Variants in MAST1 observed in about 807,000 individuals in gnomAD.
MAST1 encodes the protein microtubule associated serine/threonine kinase 1, also known as microtubule-associated serine/threonine-protein kinase 1.
In MAST1, 40 loss-of-function variants were observed where a neutral mutation model predicts 124.6. The observed-to-expected ratio is 0.32, with a 90% confidence interval of 0.25 to 0.42. The LOEUF (loss-of-function observed/expected upper bound fraction) is 0.42. Ranked by LOEUF, MAST1 falls within the 10% of genes least tolerant of loss-of-function variation. The probability of loss-of-function intolerance (pLI) is 1.00; values close to 1 mark genes in which losing one functional copy is unlikely to be tolerated. For synonymous variants in MAST1, 938 were observed against 939.4 expected (o/e 1.00, Z 0.03); for missense variants, 1,558 against 2,181.9 (o/e 0.71, Z 5.70).
rs1419027542 is a variant in MAST1 at position 12,874,321 on chromosome 19, C to T, written c.4164C>T (p.Cys1388=). ...GGRTLERDVG[C]TRHQSVQTED... is the part of the protein sequence containing the mutation. ...GGACCCTGGAGCGGGACGTCGGCTGCACGCGGCATCAGAGCGTGCAGACGG... is the reference window on the plus strand; with the variant it reads ...GGACCCTGGAGCGGGACGTCGGCTGTACGCGGCATCAGAGCGTGCAGACGG... Residue 1388 remains cysteine, a synonymous_variant, in exon 26 of 26, where the codon TGC becomes TGT. Coordinates refer to ENST00000251472, the MANE Select transcript of MAST1 (RefSeq NM_014975.3). The surrounding 1 kb of genome is among the most constrained non-coding windows in gnomAD (Gnocchi z 6.6). The T allele has an allele frequency of 1.9e-6, 3 of 1,594,892 alleles. No individual in the cohort carries two copies. Among genetic ancestry groups the T allele is most frequent in the Non-Finnish European group, 2.5e-6 (3 of 1,176,990 alleles).
In MAST1 at chr19:12,874,211, A is replaced by T. The variant is rs1426771881; in HGVS notation, c.4054A>T (p.Arg1352Trp). 6.5e-7 allele frequency: 1 copy of T among 1,545,544 alleles called. No homozygotes were observed. Among genetic ancestry groups the T allele is most frequent in the Non-Finnish European group, 8.7e-7 (1 of 1,148,252 alleles). The change falls in exon 26 of 26, where the codon AGG becomes TGG. Residue 1352 changes from arginine (R) to tryptophan (W), a missense_variant. By Grantham distance (101) the Arg-to-Trp change is moderately radical. Coordinates refer to ENST00000251472, the MANE Select transcript of MAST1 (RefSeq NM_014975.3). The surrounding 1 kb of genome is among the most constrained non-coding windows in gnomAD (Gnocchi z 6.6). The stretch of plus-strand genomic sequence containing the variant: ...CCCGTTGCTGCCCGAGGGTGCCTCC[A>T]GGCCACCAGTGTCGAGCAAGGAGAA... The part of the protein sequence containing the change: ...ADPLLPEGAS[R>W]PPVSSKEKES...
Position 12,864,806 on chromosome 19 carries a change from C to T in MAST1, c.1367-3C>T. On this transcript the variant is annotated splice_region_variant and splice_polypyrimidine_tract_variant and intron_variant, in intron 12 of 25. Transcript: ENST00000251472. ...TTATGCGGGCCCATTTCCTGGCCTG[C>T]AGGCGGCGACTGTGCCACCCTGCTG... 6.2e-7 allele frequency: 1 copy of T among 1,613,682 alleles called. No homozygotes were observed. The highest frequency in any genetic ancestry group is 1.7e-5 in the Admixed American group (1 of 60,010).
chr19:12,864,424 C>T (rs1386770606), intron 12 of MAST1, among the ~76,000 whole-genome samples: 1 of 151,544 alleles, frequency 6.6e-6, no homozygotes, highest in Admixed American at 6.6e-5. Context: ...TAGTGAAGAC[C>T]AAGAATCTGC....
rs1220114217 is a variant in MAST1 at position 12,865,574 on chromosome 19, A to C, written c.1804+93A>C. 6.7e-7 allele frequency: 1 copy of C among 1,501,344 alleles called. No individual in the cohort carries two copies. The highest frequency in any genetic ancestry group is 2.3e-5 in the East Asian group (1 of 44,036). 93.0% of individuals were successfully genotyped at this position (1,501,344 alleles called of 1,614,324 possible). On this transcript the variant is annotated intron_variant, in intron 15 of 25. Transcript: ENST00000251472. The surrounding 1 kb of genome is among the most constrained non-coding windows in gnomAD (Gnocchi z 7.1). ...CCAGGGATTTCAAAAGCGACCCCCCAGAGGATCGCTTGCACTCAGGAGGTC... is the reference window on the plus strand; with the variant it reads ...CCAGGGATTTCAAAAGCGACCCCCCCGAGGATCGCTTGCACTCAGGAGGTC...
intron 20 of MAST1, 71 bp downstream of exon 20, chr19:12,868,048 C>T: frequency 6.9e-7 from 1 of 1,453,466 alleles, no homozygotes; most frequent in Non-Finnish European, 9.1e-7. Flanking sequence ...GAGCATCCCA[C>T]GAGCCTGGTG....
chr19:12,841,024 C>T lies in MAST1; in HGVS notation c.206C>T (p.Ser69Phe), dbSNP rs773337764. 6.7e-7 allele frequency: 1 copy of T among 1,500,036 alleles called. No individual in the cohort carries two copies. The highest frequency in any genetic ancestry group is 1.1e-5 in the South Asian group (1 of 88,940). 92.9% of individuals were successfully genotyped at this position (1,500,036 alleles called of 1,614,324 possible). The change falls in exon 3 of 26, where the codon TCC (serine) becomes TTC (phenylalanine). Residue 69 changes from serine (S) to phenylalanine (F), a missense_variant. Ser to Phe is a radical substitution (Grantham distance 155, BLOSUM62 -2). Transcript: ENST00000251472. The surrounding 1 kb of genome is among the most constrained non-coding windows in gnomAD (Gnocchi z 4.3). Reference protein sequence around the residue: ...SSPLDSPRNFSPNTPAHFSFA... With the variant: ...SSPLDSPRNFFPNTPAHFSFA... ...CCCCTGGACAGCCCCCGAAACTTCTCCCCCAACACCCCCGCCCACTTCTCG... is the reference window on the plus strand; with the variant it reads ...CCCCTGGACAGCCCCCGAAACTTCTTCCCCAACACCCCCGCCCACTTCTCG...
chr19:12,874,553 C>G lies in MAST1; in HGVS notation c.4396C>G (p.Leu1466Val). Residue 1466 changes from leucine (L) to valine (V), a missense_variant, in exon 26 of 26, where the codon CTG (leucine) becomes GTG (valine). Transcript: ENST00000251472. This position sits in a 1 kb window ranked among gnomAD's most constrained non-coding sequence, Gnocchi z 6.6. The part of the protein sequence containing the change: ...DSKGLQEPAP[L>V]APSVPEAPRG... ...CAAGGGGTTGCAGGAACCCGCACCC[C>G]TGGCGCCTTCCGTGCCCGAGGCCCC... 1 of 1,511,508 alleles carries G rather than the reference C, an allele frequency of 6.6e-7. No individual in the cohort carries two copies. The highest frequency in any genetic ancestry group is 1.8e-4 in the Middle Eastern group (1 of 5,568). The allele number at this position is 1,511,508 out of a possible 1,614,324, so 93.6% of individuals were successfully genotyped here.
In MAST1 at chr19:12,865,727, G is replaced by A. The variant is rs1479547916; in HGVS notation, c.1815G>A (p.Leu605=). The part of the protein sequence containing the change: ...LFGQVISDDI[L]WPEGDEALPT... ...CGTTTTGTTTTGCAGATGACATCCT[G>A]TGGCCCGAGGGGGATGAGGCCCTAC... is the stretch of plus-strand genomic sequence containing the variant. The change falls in exon 16 of 26, where the codon CTG becomes CTA. Residue 605 remains leucine, a synonymous_variant. Coordinates refer to ENST00000251472, the MANE Select transcript of MAST1 (RefSeq NM_014975.3). This position sits in a 1 kb window ranked among gnomAD's most constrained non-coding sequence, Gnocchi z 7.1. 6.2e-7 allele frequency: 1 copy of A among 1,611,098 alleles called. No individual in the cohort carries two copies. Among genetic ancestry groups the A allele is most frequent in the Admixed American group, 1.7e-5 (1 of 59,168 alleles).
At chr19:12,872,416 G>A (rs1415514330) in intron 24 of MAST1, among the ~76,000 whole-genome samples, 1 of 152,082 alleles carries the variant, frequency 6.6e-6, no homozygotes, top group African/African-American at 2.4e-5. Flanking sequence ...CTAGAGGCAG[G>A]TGGGACCAAG....
Position 12,847,576 on chromosome 19 carries a change from C to T in MAST1, c.489-36C>T, listed in dbSNP as rs1376451457. The T allele has an allele frequency of 6.2e-7, 1 of 1,613,832 alleles. No individual in the cohort carries two copies. Among genetic ancestry groups the T allele is most frequent in the Non-Finnish European group, 8.5e-7 (1 of 1,179,768 alleles). On this transcript the variant is annotated intron_variant, in intron 5 of 25. Coordinates refer to ENST00000251472, the MANE Select transcript of MAST1 (RefSeq NM_014975.3). The surrounding 1 kb of genome is among the most constrained non-coding windows in gnomAD (Gnocchi z 5.5). ...CGGGGGCTCTCTGCGGGCTTGGAGG[C>T]AGAGGACTCGACAAAATGGGCTTCT...
rs1345735934 is a variant in MAST1 at position 12,858,439 on chromosome 19, C to T, written c.1155C>T (p.Tyr385=). 4.3e-6 allele frequency: 7 copies of T among 1,613,618 alleles called. No homozygotes were observed. Among genetic ancestry groups the T allele is most frequent in the Middle Eastern group, 1.6e-4 (1 of 6,082 alleles). The change falls in exon 11 of 26, where the codon TAC becomes TAT. Residue 385 remains tyrosine (Y), a splice_region_variant and synonymous_variant. Coordinates refer to ENST00000251472, the MANE Select transcript of MAST1 (RefSeq NM_014975.3). ...TCAAGCTCATAAGCAACGGTGCCTA[C>T]GGGTGAGCCACCCGGGGCTCTGGCG... ...DTIKLISNGA[Y]GAVYLVRHRD...
Position 12,847,819 on chromosome 19 carries a change from C to G in MAST1, c.565-29C>G. The G allele has an allele frequency of 3.1e-6, 5 of 1,591,202 alleles. No homozygotes were observed. Among genetic ancestry groups the G allele is most frequent in the Non-Finnish European group, 3.4e-6 (4 of 1,167,194 alleles). On this transcript the variant is annotated intron_variant, in intron 6 of 25. Transcript: ENST00000251472. The surrounding 1 kb of genome is among the most constrained non-coding windows in gnomAD (Gnocchi z 5.5). ...GGCGGCCGCAGCCTTCGGGCACAGC[C>G]CCGCGCCCCTCCTCCGTCCCTCCCG...
chr19:12,846,788 G>T (rs554480948), intron 4 of MAST1, among the ~76,000 whole-genome samples: 1 of 140,388 alleles, frequency 7.1e-6, no homozygotes, highest in African/African-American at 2.7e-5. Context: ...TGAGTCAGGA[G>T]AATCGCTTGA....
rs1387205671 is a variant in MAST1 at position 12,865,139 on chromosome 19, C to A, written c.1599C>A (p.Gly533=). 6.2e-7 allele frequency: 1 copy of A among 1,613,980 alleles called. No homozygotes were observed. The highest frequency in any genetic ancestry group is 1.3e-5 in the African/African-American group (1 of 74,916). Residue 533 remains glycine, a synonymous_variant, in exon 14 of 26, where the codon GGC becomes GGA. Coordinates refer to ENST00000251472, the MANE Select transcript of MAST1 (RefSeq NM_014975.3). The surrounding 1 kb of genome is among the most constrained non-coding windows in gnomAD (Gnocchi z 7.1). ...LMSLTTNLYE[G]HIEKDAREFL... is the part of the protein sequence containing the mutation. The stretch of plus-strand genomic sequence containing the variant: ...GCCTCACCACCAACTTATATGAAGG[C>A]CACATCGAGAAGGACGCCCGAGAGT...
intron 7 of MAST1, among the ~76,000 whole-genome samples, chr19:12,850,339 G>T (rs546452975): frequency 1.1e-4 from 17 of 152,204 alleles, no homozygotes; most frequent in Admixed American, 9.8e-4. Flanking sequence ...GTAACATAGC[G>T]AGACCCTGTC....
chr19:12,866,709 G>A lies in MAST1; in HGVS notation c.2086G>A (p.Glu696Lys). The A allele has an allele frequency of 1.2e-6, 2 of 1,613,990 alleles. No homozygotes were observed. The highest frequency in any genetic ancestry group is 1.7e-6 in the Non-Finnish European group (2 of 1,179,974). ...CTATGACGAGGATGACACGACGGAG[G>A]AGGAGCCCGTGGAAATCCGCCAGTT... Reference protein sequence around the residue: ...NSYDEDDTTEEEPVEIRQFSS... With the variant: ...NSYDEDDTTEKEPVEIRQFSS... The change falls in exon 18 of 26, where the codon GAG (glutamate) becomes AAG (lysine). Residue 696 changes from glutamate (E) to lysine (K), a missense_variant. This residue lies in a region of MAST1 where 287 missense variants were observed against 308.0 expected (regional missense o/e 0.93). Coordinates refer to ENST00000251472, the MANE Select transcript of MAST1 (RefSeq NM_014975.3). This position sits in a 1 kb window ranked among gnomAD's most constrained non-coding sequence, Gnocchi z 5.2.
In MAST1 at chr19:12,874,421, C is replaced by T. The variant is rs375620072; in HGVS notation, c.4264C>T (p.Arg1422Trp). The change falls in exon 26 of 26, where the codon CGG (arginine) becomes TGG (tryptophan). Residue 1422 changes from arginine (R) to tryptophan (W), a missense_variant. Arg to Trp is a moderately radical substitution (Grantham distance 101, BLOSUM62 -3). Transcript: ENST00000251472. The surrounding 1 kb of genome is among the most constrained non-coding windows in gnomAD (Gnocchi z 6.6). ...CCCGGTGCAGGAACACGAGACAGGC[C>T]GGCGCAGCAGCTCTGGCGAGGCGGG... ...LSPVQEHETG[R>W]RSSSGEAGTP... 1.3e-6 allele frequency: 2 copies of T among 1,598,394 alleles called. No homozygotes were observed. The highest frequency in any genetic ancestry group is 1.7e-6 in the Non-Finnish European group (2 of 1,179,038).
At chr19:12,846,976 A>G (rs1969901684) in intron 4 of MAST1, among the ~76,000 whole-genome samples, 1 of 151,528 alleles carries the variant, frequency 6.6e-6, no homozygotes. Flanking sequence ...AGGATGAGGC[A>G]GGACCTTGTA....
chr19:12,868,824 T>A lies in MAST1; in HGVS notation c.2748T>A (p.Thr916=). The change falls in exon 21 of 26, where the codon ACT becomes ACA. Residue 916 remains threonine, a synonymous_variant. Coordinates refer to ENST00000251472, the MANE Select transcript of MAST1 (RefSeq NM_014975.3). ...AAGTCATCAAATCAGCCTCAGCCACTGCCTTATCTGTCATGATTCCTGCAG... is the reference window on the plus strand; with the variant it reads ...AAGTCATCAAATCAGCCTCAGCCACAGCCTTATCTGTCATGATTCCTGCAG... The part of the protein sequence containing the change: ...GGKVIKSASA[T]ALSVMIPAVD... The A allele has an allele frequency of 6.3e-7, 1 of 1,589,856 alleles. No individual in the cohort carries two copies. The highest frequency in any genetic ancestry group is 8.6e-7 in the Non-Finnish European group (1 of 1,166,370).
Sources: gnomAD v4.1 joint callset for allele counts (sites outside exome capture counted in the v4.1 genomes callset) on GRCh38, gnomAD v4.1.1 for gene constraint, gnomAD v4.1.1 regional missense constraint, Gnocchi (gnomAD v3.1) non-coding constraint, MANE v1.5 for transcripts, NCBI Gene and HGNC (gene_info 2026-07-23, HGNC 2026-07-21) for gene names.